PPP6R2: variants seen among roughly 807,000 people sequenced by gnomAD.
The protein encoded by PPP6R2 is protein phosphatase 6 regulatory subunit 2, also known as serine/threonine-protein phosphatase 6 regulatory subunit 2.
In PPP6R2, 62 loss-of-function variants were observed where a neutral mutation model predicts 100.2. That is an observed-to-expected ratio of 0.62 (90% CI 0.50 to 0.76). PPP6R2 has a LOEUF of 0.76. Ranked by LOEUF, PPP6R2 falls within the 30% of genes least tolerant of loss-of-function variation. The probability of loss-of-function intolerance (pLI) is 0.00; values close to 1 mark genes in which losing one functional copy is unlikely to be tolerated. For synonymous variants in PPP6R2, 525 were observed against 514.7 expected, an observed-to-expected ratio of 1.02 and a Z score of -0.27; for missense variants, 1,142 against 1,276.3, an observed-to-expected ratio of 0.89 and a Z score of 1.60.
chr22:50,351,985 C>T (rs553171004), intron 1 of PPP6R2, among the ~76,000 whole-genome samples: 10 of 151,940 alleles, frequency 6.6e-5, no homozygotes, highest in East Asian at 1.9e-4. Context: ...TTAGTAGAGA[C>T]GGGGTTTCAT....
intron 21 of PPP6R2, among the ~76,000 whole-genome samples, chr22:50,440,494 C>A (rs944265293): frequency 6.6e-6 from 1 of 152,226 alleles, no homozygotes; most frequent in Non-Finnish European, 1.5e-5. Context: ...ACACTGGTGT[C>A]CCCGGTTTTG....
chr22:50,406,626 G>A, intron 3 of PPP6R2, 63 bp from the exon 4 acceptor site: 1 of 1,475,516 alleles, frequency 6.8e-7, no homozygotes, highest in Admixed American at 1.7e-5. Flanking sequence ...GACTATGTAA[G>A]CAGCTTCCTA....
upstream of PPP6R2, among the ~76,000 whole-genome samples, chr22:50,338,957 GGTGTGTAGGGTGTGTGGTGT>G (rs2042336013): frequency 1.8e-5 from 2 of 112,414 alleles, no homozygotes; most frequent in Non-Finnish European, 3.6e-5. Context: ...GGGTGTGGTG[GGTGTGTAGGGTGTGTGGTGT>G]GTGTGTGGTA....
At chr22:50,400,313 G>A (rs562924214) in intron 3 of PPP6R2, among the ~76,000 whole-genome samples, 36 of 152,336 alleles carry the variant, frequency 2.4e-4, no homozygotes, top group African/African-American at 8.2e-4. Flanking sequence ...TTCTTCGGTT[G>A]ACTTCCTGTG....
chr22:50,360,562 C>T (rs1406598448), intron 1 of PPP6R2, among the ~76,000 whole-genome samples: 2 of 152,124 alleles, frequency 1.3e-5, no homozygotes, highest in Admixed American at 1.3e-4. Context: ...TGGGGTCTCT[C>T]TGTGTTGCTC....
intron 3 of PPP6R2, among the ~76,000 whole-genome samples, chr22:50,398,954 A>C (rs542173884): frequency 6.6e-6 from 1 of 152,306 alleles, no homozygotes; most frequent in South Asian, 2.1e-4. Context: ...TTTTTTTGAG[A>C]AATAGAATAG....
chr22:50,335,209 AC>A, the PPP6R2 span, among the ~76,000 whole-genome samples: 1 of 132,722 alleles, frequency 7.5e-6, no homozygotes, highest in Non-Finnish European at 1.6e-5. Context: ...CCGCCACAAC[AC>A]CCGGCTAATT....
intron 12 of PPP6R2, 49 bp downstream of exon 12, chr22:50,432,378 G>T: frequency 6.7e-7 from 1 of 1,487,548 alleles, no homozygotes; most frequent in Non-Finnish European, 9.2e-7. Context: ...AGTCAGGGAT[G>T]CAGAGACGCA....
intron 2 of PPP6R2, among the ~76,000 whole-genome samples, chr22:50,379,003 T>C (rs2052296773): frequency 6.6e-6 from 1 of 152,094 alleles, no homozygotes; most frequent in Non-Finnish European, 1.5e-5. Context: ...CCTTTTGCCA[T>C]GTGAGGACAC....
intron 2 of PPP6R2, chr22:50,393,277 TG>T: frequency 2.0e-6 from 1 of 493,344 alleles, no homozygotes; most frequent in Non-Finnish European, 2.6e-6. Flanking sequence ...TTCAGCAAGA[TG>T]GGGACGATGA....
intron 4 of PPP6R2, among the ~76,000 whole-genome samples, chr22:50,414,331 G>GCCCCCCCC (rs57634612): frequency 3.7e-5 from 1 of 26,776 alleles, no homozygotes; most frequent in African/African-American, 8.4e-5. Flanking sequence ...CTGTGCAGTG[G>GCCCCCCCC]CCCCCCCCCC....
rs373964258 is a variant in PPP6R2 at position 50,376,806 on chromosome 22, G to A, written c.-17+4656G>A. On this transcript the variant is annotated intron_variant, in intron 2 of 23. Coordinates refer to ENST00000612753, the MANE Select transcript of PPP6R2 (RefSeq NM_001242898.2). Reference sequence around the variant, plus strand: ...TGTAATCCCAGCAGTTTGGGAGGCCGAGGCGGGCAGATCACAAGGTCAGGA... The same window carrying A: ...TGTAATCCCAGCAGTTTGGGAGGCCAAGGCGGGCAGATCACAAGGTCAGGA... Among the ~76,000 whole-genome samples, 7 of 152,174 alleles carry A rather than the reference G, an allele frequency of 4.6e-5. No homozygotes were observed. In the East Asian group the frequency reaches 9.7e-4, roughly 21 times the overall value.
In PPP6R2 at chr22:50,414,331, G is replaced by GCCCCCCCCCCCCCCCCC. The variant is rs57634612; in HGVS notation, c.415-218_415-202dup. Among the ~76,000 whole-genome samples the GCCCCCCCCCCCCCCCCC allele has an allele frequency of 2.2e-3, 60 of 26,770 alleles. 2 individuals carry two copies. Among genetic ancestry groups the GCCCCCCCCCCCCCCCCC allele is most frequent in the Admixed American group, 3.7e-3 (7 of 1,880 alleles). 17.6% of individuals were successfully genotyped at this position (26,770 alleles called of 152,430 possible). On this transcript the variant is annotated intron_variant, in intron 4 of 23. Coordinates refer to ENST00000612753, the MANE Select transcript of PPP6R2 (RefSeq NM_001242898.2). ...GAGCCACAGGGGTCCCTGTGCAGTGGCCCCCCCCCCCCCCCCCCCGCCCAG... is the reference window on the plus strand; with the variant it reads ...GAGCCACAGGGGTCCCTGTGCAGTGGCCCCCCCCCCCCCCCCCCCCCCCCCCCCCCCCCCCCGCCCAG...
intron 2 of PPP6R2, among the ~76,000 whole-genome samples, chr22:50,375,389 A>G (rs1004432444): frequency 6.6e-6 from 1 of 152,188 alleles, no homozygotes; most frequent in African/African-American, 2.4e-5. Flanking sequence ...TTTTGTCCTG[A>G]GGGCATTTGC....
intron 2 of PPP6R2, among the ~76,000 whole-genome samples, chr22:50,377,939 G>A (rs942962349): frequency 5.3e-5 from 8 of 152,126 alleles, no homozygotes; most frequent in African/African-American, 1.7e-4. Context: ...CCCAGAAGGC[G>A]GAGGTTGCAG....
At chr22:50,350,138 C>A (rs73188924) in intron 1 of PPP6R2, among the ~76,000 whole-genome samples, 28,470 of 151,954 alleles carry the variant, frequency 0.19, 2,798 homozygotes, top group South Asian at 0.36. Flanking sequence ...AAAAAGAAAC[C>A]ATTTTATTTG....
At chr22:50,381,997 A>C (rs551735400) in intron 2 of PPP6R2, among the ~76,000 whole-genome samples, 1 of 152,290 alleles carries the variant, frequency 6.6e-6, no homozygotes, top group South Asian at 2.1e-4. Flanking sequence ...TATTCTTGTA[A>C]GGAAAAGCTG....
At chr22:50,381,863 A>G (rs972994086) in intron 2 of PPP6R2, among the ~76,000 whole-genome samples, 3 of 151,334 alleles carry the variant, frequency 2.0e-5, no homozygotes, top group African/African-American at 4.9e-5. Context: ...TGCTGAGATC[A>G]CACCACTGCA....
intron 1 of PPP6R2, among the ~76,000 whole-genome samples, chr22:50,357,817 G>T (rs1051264762): frequency 2.0e-5 from 3 of 151,918 alleles, no homozygotes; most frequent in African/African-American, 7.3e-5. Flanking sequence ...GTAGAGACAG[G>T]GTTTCACTAT....
Sources: allele counts gnomAD v4.1 joint callset (sites outside exome capture counted in the v4.1 genomes callset), GRCh38; gene constraint gnomAD v4.1.1; transcripts MANE v1.5; gene names NCBI Gene and HGNC (gene_info 2026-07-23, HGNC 2026-07-21).